Variants in COP1 observed in about 807,000 individuals in gnomAD.
COP1 encodes the protein E3 ubiquitin-protein ligase COP1.
In COP1, 24 loss-of-function variants were observed where a neutral mutation model predicts 101.3. The observed-to-expected ratio is 0.24, with a 90% CI of 0.17 to 0.33. The LOEUF is 0.33. Among genes scored for constraint, COP1 ranks in the 10% least tolerant of loss-of-function variants. The pLI is 1.00. For synonymous variants in COP1, 347 were observed against 341.9 expected (o/e 1.01, Z -0.17); for missense variants, 663 against 906.2 (o/e 0.73, Z 3.45).
intron 15 of COP1, among the ~76,000 whole-genome samples, chr1:176,003,908 G>A (rs1662422811): frequency 6.6e-6 from 1 of 152,214 alleles, no homozygotes; most frequent in East Asian, 1.9e-4. Context: ...GTAGCTTGAT[G>A]GGGATGGCAT....
chr1:176,146,293 A>G (rs1021258513), intron 6 of COP1, among the ~76,000 whole-genome samples: 5 of 152,188 alleles, frequency 3.3e-5, no homozygotes, highest in Admixed American at 2.6e-4. Context: ...TTAAATATAT[A>G]TAACTAACAA....
chr1:176,070,951 C>T (rs1428794293), intron 11 of COP1, among the ~76,000 whole-genome samples: 2 of 152,190 alleles, frequency 1.3e-5, no homozygotes, highest in Non-Finnish European at 2.9e-5. Context: ...CCATGTGCAA[C>T]CACTCCTGCT....
intron 6 of COP1, 105 bp from the exon 7 acceptor site, chr1:176,136,652 C>A (rs1689841461): frequency 5.7e-6 from 4 of 700,970 alleles, no homozygotes; most frequent in Non-Finnish European, 6.9e-6. Flanking sequence ...AAAATAATTT[C>A]TATCAAACTT....
rs66711924 is a variant in COP1, at chr1:175,966,280, T to TACACACACAC, written c.2134-19051_2134-19042dup. 4.9e-3 allele frequency among the ~76,000 whole-genome samples: 730 copies of TACACACACAC among 150,262 alleles called. 3 individuals carry two copies. The highest frequency in any genetic ancestry group is 0.015 in the African/African-American group (626 of 40,816). On this transcript the variant is annotated intron_variant, in intron 18 of 19. Transcript: ENST00000367669. Reference sequence around the variant, plus strand: ...TTAGCTGTCTGAATTGTGTTTGCAATACACACACACACACACACACACACA... The same window carrying TACACACACAC: ...TTAGCTGTCTGAATTGTGTTTGCAATACACACACACACACACACACACACACACACACACA...
Position 176,206,395 on chromosome 1 carries a change from C to T in COP1, c.407+177G>A. On this transcript the variant is annotated intron_variant, in intron 1 of 19. Transcript: ENST00000367669. The stretch of plus-strand genomic sequence containing the variant: ...CCTCGCTACTCCAACATTCCTTCAC[C>T]CCACCAACCAGGAGCTCGAATGCCT... 3 of 650,622 alleles carry T rather than the reference C, an allele frequency of 4.6e-6. No homozygotes were observed. The South Asian group carries it at 6.2e-5, about 14-fold the overall frequency. The allele number at this position is 650,622 out of a possible 1,614,324, so 40.3% of individuals were successfully genotyped here.
In COP1 at chr1:176,053,718, C is replaced by T. The variant is rs186857373; in HGVS notation, c.1278-7394G>A. Among the ~76,000 whole-genome samples the T allele has an allele frequency of 1.3e-3, 200 of 152,290 alleles. 2 individuals carry two copies. Among genetic ancestry groups the T allele is most frequent in the African/African-American group, 4.5e-3 (185 of 41,558 alleles). ...CCTTGTCTCCAACAATCCTTCAAGG[C>T]CATTGTGATCTAAAAATCTATGGAA... is the stretch of plus-strand genomic sequence containing the variant. On this transcript the variant is annotated intron_variant, in intron 11 of 19. Transcript: ENST00000367669.
chr1:176,050,241 T>C (rs189657646), intron 11 of COP1, among the ~76,000 whole-genome samples: 1 of 152,354 alleles, frequency 6.6e-6, no homozygotes, highest in East Asian at 1.9e-4. Flanking sequence ...AAACTAGCTG[T>C]ATTCTTTGTC....
intron 5 of COP1, among the ~76,000 whole-genome samples, chr1:176,162,365 G>A (rs982554765): frequency 6.6e-6 from 1 of 151,980 alleles, no homozygotes; most frequent in African/African-American, 2.4e-5. Context: ...TAACAGTTAC[G>A]TAAAATAAAT....
At chr1:176,082,528 C>G (rs995350004) in intron 10 of COP1, among the ~76,000 whole-genome samples, 1 of 151,918 alleles carries the variant, frequency 6.6e-6, no homozygotes, top group East Asian at 1.9e-4. Flanking sequence ...ACAACAGGGC[C>G]GGGTGCAGCA....
rs1309457695 is a variant in COP1, at chr1:175,945,729, T to C, written c.2179-559A>G. 2.0e-5 allele frequency among the ~76,000 whole-genome samples: 3 copies of C among 152,190 alleles called. No individual in the cohort carries two copies. In the East Asian group the frequency reaches 5.8e-4, roughly 29 times the overall value. ...ATTGCTAAAACTAAGAGGAAGCAAA[T>C]GGCTAAGAAAGATCACGGAACAGGA... On this transcript the variant is annotated intron_variant, in intron 19 of 19. Coordinates refer to ENST00000367669, the MANE Select transcript of COP1 (RefSeq NM_022457.7).
chr1:176,006,195 T>G (rs546576057), intron 15 of COP1, among the ~76,000 whole-genome samples: 234 of 152,196 alleles, frequency 1.5e-3, no homozygotes, highest in Non-Finnish European at 2.5e-3. Flanking sequence ...GTTTTCCATT[T>G]GCTTGGTAGA....
chr1:176,004,246 T>A (rs1258608870), intron 15 of COP1, among the ~76,000 whole-genome samples: 7 of 148,038 alleles, frequency 4.7e-5, no homozygotes, highest in Non-Finnish European at 9.0e-5. Context: ...TTAAGGAGAT[T>A]TTGGGCTGAG....
intron 5 of COP1, among the ~76,000 whole-genome samples, chr1:176,162,045 C>T (rs1694411862): frequency 6.6e-6 from 1 of 152,106 alleles, no homozygotes; most frequent in African/African-American, 2.4e-5. Context: ...AAAAAGTCTA[C>T]AAGAAAAGAA....
At chr1:176,054,442 ATGACCCAC>A (rs1673105981) in intron 11 of COP1, among the ~76,000 whole-genome samples, 1 of 152,104 alleles carries the variant, frequency 6.6e-6, no homozygotes. Flanking sequence ...GATTACAGGA[ATGACCCAC>A]TGCACCCGGC....
intron 9 of COP1, among the ~76,000 whole-genome samples, chr1:176,091,881 C>T (rs1681392408): frequency 6.6e-6 from 1 of 151,966 alleles, no homozygotes; most frequent in East Asian, 1.9e-4. Flanking sequence ...TAAAGGTATG[C>T]TATCTGCCAA....
At chr1:176,166,018 C>A (rs791753) in intron 3 of COP1, among the ~76,000 whole-genome samples, 42,982 of 152,026 alleles carry the variant, frequency 0.28, 6,909 homozygotes, top group East Asian at 0.52. Context: ...AATTTTACCA[C>A]AAAATCTTAT....
chr1:176,177,747 T>C (rs962233963), intron 2 of COP1, among the ~76,000 whole-genome samples: 1 of 152,116 alleles, frequency 6.6e-6, no homozygotes, highest in Non-Finnish European at 1.5e-5. Flanking sequence ...TTATATCCAC[T>C]TACCTTCCCC....
chr1:176,088,850 C>T (rs1327537191), intron 9 of COP1, among the ~76,000 whole-genome samples: 1 of 151,696 alleles, frequency 6.6e-6, no homozygotes, highest in African/African-American at 2.4e-5. Flanking sequence ...ACAAAATTAG[C>T]CAGGCATCGT....
intron 6 of COP1, among the ~76,000 whole-genome samples, chr1:176,142,071 G>C (rs1690783255): frequency 6.6e-6 from 1 of 151,858 alleles, no homozygotes. Context: ...GAAAAAGCAA[G>C]AACAAAACCA....
Sources: gnomAD v4.1 joint callset for allele counts (sites outside exome capture counted in the v4.1 genomes callset) on GRCh38, gnomAD v4.1.1 for gene constraint, MANE v1.5 for transcripts, NCBI Gene and HGNC (gene_info 2026-07-23, HGNC 2026-07-21) for gene names.